MBD5: variants seen among roughly 807,000 people sequenced by gnomAD.
The protein encoded by MBD5 is methyl-CpG-binding domain protein 5.
MBD5 carries 13 observed loss-of-function variants against 117.3 expected under a neutral mutation model. That is an observed-to-expected ratio of 0.11 (90% confidence interval 0.07 to 0.18). MBD5 has a LOEUF of 0.18. MBD5 is among the 10% of genes least tolerant of loss of function. The probability of loss-of-function intolerance (pLI) is 1.00; values close to 1 mark genes in which losing one functional copy is unlikely to be tolerated. For synonymous variants in MBD5, 727 were observed against 766.4 expected, an observed-to-expected ratio of 0.95 and a Z score of 0.85; for missense variants, 1,879 against 2,093.8, an observed-to-expected ratio of 0.90 and a Z score of 2.00.
intron 1 of MBD5, among the ~76,000 whole-genome samples, chr2:148,032,388 G>A (rs1026798283): frequency 6.6e-6 from 1 of 152,110 alleles, no homozygotes; most frequent in African/African-American, 2.4e-5. Flanking sequence ...TACTCAGTGC[G>A]ATCAAGAGGA....
chr2:148,108,967 GA>G (rs1422044601), intron 1 of MBD5, among the ~76,000 whole-genome samples: 1 of 152,090 alleles, frequency 6.6e-6, no homozygotes, highest in African/African-American at 2.4e-5. Flanking sequence ...TCAAATTAGG[GA>G]AAAAAGGATG....
rs772659870 is a variant in MBD5, at chr2:148,468,728, A to G, written c.785A>G (p.Asn262Ser). The change falls in exon 8 of 14, where the codon AAT becomes AGT. Residue 262 changes from asparagine (N) to serine (S), a missense_variant. By Grantham distance (46) the Asn-to-Ser change is conservative. This residue lies in a region of MBD5 where 1,666 missense variants were observed against 1,792.2 expected (regional missense o/e 0.93). Coordinates refer to ENST00000642680, the MANE Select transcript of MBD5 (RefSeq NM_001378120.1). ...RSNPGFHGAP[N>S]SSPIHLNRTP... ...AATCCTGGTTTTCATGGAGCTCCCA[A>G]TTCTAGTCCTATTCACCTGAATAGG... is the stretch of plus-strand genomic sequence containing the variant. 4.3e-6 allele frequency: 7 copies of G among 1,613,742 alleles called. No individual in the cohort carries two copies. The highest frequency in any genetic ancestry group is 1.6e-4 in the Middle Eastern group (1 of 6,082).
chr2:148,085,002 G>GGTTA (rs1695741383), intron 1 of MBD5, among the ~76,000 whole-genome samples: 1 of 152,154 alleles, frequency 6.6e-6, no homozygotes, highest in Non-Finnish European at 1.5e-5. Flanking sequence ...TCACCAAAGG[G>GGTTA]GTTAGTAGGA....
chr2:148,439,056 A>T (rs553224716), intron 4 of MBD5, among the ~76,000 whole-genome samples: 1 of 152,208 alleles, frequency 6.6e-6, no homozygotes, highest in Admixed American at 6.6e-5. Flanking sequence ...CTTAAACCAC[A>T]CTTAATTTCC....
At chr2:148,322,164 G>T (rs771642686) in intron 3 of MBD5, among the ~76,000 whole-genome samples, 12 of 152,186 alleles carry the variant, frequency 7.9e-5, no homozygotes, top group Non-Finnish European at 1.6e-4. Flanking sequence ...AAAGTGATAT[G>T]TATTCATAAA....
intron 1 of MBD5, among the ~76,000 whole-genome samples, chr2:148,172,860 T>G (rs1698293952): frequency 6.6e-6 from 1 of 152,140 alleles, no homozygotes; most frequent in Non-Finnish European, 1.5e-5. Context: ...TCCTCAGCTC[T>G]TAATTACCAG....
In MBD5 at chr2:148,516,112, G is replaced by T. The variant is rs989162391; in HGVS notation, c.*3171G>T. The T allele has an allele frequency of 6.6e-6, 1 of 152,162 alleles. No individual in the cohort carries two copies. Among genetic ancestry groups the T allele is most frequent in the Non-Finnish European group, 1.5e-5 (1 of 68,020 alleles). 9.4% of individuals were successfully genotyped at this position (152,162 alleles called of 1,614,324 possible). A position where few individuals can be genotyped will look rare whatever the true frequency, so the allele number is the denominator to read the frequency against. ...ACGTAACACTGCAGAATTGCAGGAA[G>T]AGAAAAGGGCAGTTAGTTATTTCAC... On this transcript the variant is annotated 3_prime_UTR_variant, in exon 14 of 14. Transcript: ENST00000642680.
chr2:148,317,673 G>A (rs2656318), intron 3 of MBD5, among the ~76,000 whole-genome samples: 143,418 of 152,008 alleles, frequency 0.94, 68,170 homozygotes, highest in East Asian at 1. Context: ...AAGTGTTTCC[G>A]TCATTTAGTC....
At chr2:148,409,283 G>A (rs1350115069) in intron 4 of MBD5, among the ~76,000 whole-genome samples, 3 of 151,964 alleles carry the variant, frequency 2.0e-5, no homozygotes, top group Admixed American at 6.6e-5. Context: ...AGCTACTCGG[G>A]AGGCTGAGGT....
chr2:148,510,290 A>C (rs1396633407), intron 13 of MBD5, among the ~76,000 whole-genome samples, 155 bp downstream of exon 13: 1 of 152,238 alleles, frequency 6.6e-6, no homozygotes, highest in Non-Finnish European at 1.5e-5. Flanking sequence ...AAAGATTCAA[A>C]GTCATTTAAG....
At chr2:148,486,443 G>A (rs1681343352) in intron 10 of MBD5, among the ~76,000 whole-genome samples, 1 of 152,112 alleles carries the variant, frequency 6.6e-6, no homozygotes, top group Non-Finnish European at 1.5e-5. Flanking sequence ...GGTAGAGAAG[G>A]CTCTTTCAGC....
At chr2:148,468,318 T>C in intron 7 of MBD5, 23 bp from the exon 8 acceptor site, 1 of 1,603,292 alleles carries the variant, frequency 6.2e-7, no homozygotes. Context: ...TTAACAGAAT[T>C]CTTTTTTTCT....
intron 3 of MBD5, among the ~76,000 whole-genome samples, chr2:148,235,441 C>G (rs1464864111): frequency 6.6e-6 from 1 of 152,080 alleles, no homozygotes; most frequent in East Asian, 1.9e-4. Context: ...TTATTAATTT[C>G]ATTCTATTTG....
Position 148,238,996 on chromosome 2 carries a change from CATAT to C in MBD5, c.-680+5616_-680+5619del, listed in dbSNP as rs72208627. 4.3e-3 allele frequency among the ~76,000 whole-genome samples: 640 copies of C among 149,136 alleles called. 3 individuals carry two copies. The highest frequency in any genetic ancestry group is 0.014 in the African/African-American group (579 of 40,532). On this transcript the variant is annotated intron_variant, in intron 3 of 13. Coordinates refer to ENST00000642680, the MANE Select transcript of MBD5 (RefSeq NM_001378120.1). ...AACATAATTCAACCCATAACTCTATCATATATATATATATATATTATATACACAC... is the reference window on the plus strand; with the variant it reads ...AACATAATTCAACCCATAACTCTATCATATATATATATATTATATACACAC...
At chr2:148,040,196 A>G (rs972189155) in intron 1 of MBD5, among the ~76,000 whole-genome samples, 5 of 152,126 alleles carry the variant, frequency 3.3e-5, no homozygotes, top group African/African-American at 9.7e-5. Flanking sequence ...GTTAAAAAGT[A>G]ATAACTAAAT....
chr2:148,378,400 A>G (rs916339955), intron 4 of MBD5, among the ~76,000 whole-genome samples: 10 of 152,110 alleles, frequency 6.6e-5, no homozygotes, highest in African/African-American at 2.4e-4. Flanking sequence ...GAAAAGTAAT[A>G]TTTCATTTCC....
At chr2:148,114,546 C>T (rs1333201720) in intron 1 of MBD5, among the ~76,000 whole-genome samples, 1 of 152,028 alleles carries the variant, frequency 6.6e-6, no homozygotes, top group Non-Finnish European at 1.5e-5. Flanking sequence ...GGACTCTATA[C>T]CAAAATGGTT....
At chr2:148,122,158 A>C (rs1696784256) in intron 1 of MBD5, among the ~76,000 whole-genome samples, 1 of 152,192 alleles carries the variant, frequency 6.6e-6, no homozygotes, top group South Asian at 2.1e-4. Context: ...ATTTGAGCAC[A>C]ACTCCTAATA....
chr2:148,229,436 C>G (rs751501964), intron 2 of MBD5, among the ~76,000 whole-genome samples: 1 of 152,114 alleles, frequency 6.6e-6, no homozygotes, highest in Non-Finnish European at 1.5e-5. Flanking sequence ...TCAGCACAGC[C>G]ATTTTGAATT....
Sources: allele counts gnomAD v4.1 joint callset (sites outside exome capture counted in the v4.1 genomes callset), GRCh38; gene constraint gnomAD v4.1.1; regional missense constraint gnomAD v4.1.1; transcripts MANE v1.5; gene names NCBI Gene and HGNC (gene_info 2026-07-23, HGNC 2026-07-21).